The following CNTNAP3B variants were observed in gnomAD, a reference collection of about 807,000 sequenced individuals.
CNTNAP3B encodes the protein contactin-associated protein-like 3B.
A neutral mutation model predicts 108.9 loss-of-function variants in CNTNAP3B; 25 were observed. The observed-to-expected ratio is 0.23, with a 90% CI of 0.17 to 0.32. The LOEUF (loss-of-function observed/expected upper bound fraction) is 0.32, where lower values mean the gene tolerates loss of function less well. Ranked by LOEUF, CNTNAP3B falls within the 10% of genes least tolerant of loss-of-function variation. The pLI is 1.00. For synonymous variants in CNTNAP3B, 103 were observed against 473.4 expected, an observed-to-expected ratio of 0.22 and a Z score of 10.16; for missense variants, 252 against 1,210.4, an observed-to-expected ratio of 0.21 and a Z score of 11.75.
intron 8 of CNTNAP3B, among the ~76,000 whole-genome samples, chr9:41,987,272 C>T (rs1363828565): frequency 1.0e-5 from 1 of 98,474 alleles, no homozygotes; most frequent in Non-Finnish European, 2.0e-5. Context: ...ACCAGCCTGG[C>T]TAACATGGTG....
chr9:41,943,923 A>G (rs1322178306), intron 13 of CNTNAP3B, among the ~76,000 whole-genome samples: 1 of 152,266 alleles, frequency 6.6e-6, no homozygotes, highest in Non-Finnish European at 1.5e-5. Flanking sequence ...TTTTAAAAAT[A>G]AAATCTCGAA....
At chr9:42,097,540 A>C (rs1409412216) in intron 2 of CNTNAP3B, among the ~76,000 whole-genome samples, 1 of 140,282 alleles carries the variant, frequency 7.1e-6, no homozygotes, top group Non-Finnish European at 1.5e-5. Flanking sequence ...GGAACTTTCC[A>C]AAATTTAGTA....
At chr9:42,064,982 G>C (rs1387623945) in intron 3 of CNTNAP3B, among the ~76,000 whole-genome samples, 2 of 146,372 alleles carry the variant, frequency 1.4e-5, no homozygotes, top group African/African-American at 5.2e-5. Flanking sequence ...CCAGTAATGG[G>C]ATTGCTAGGT....
chr9:42,103,231 G>A (rs1342181752), intron 2 of CNTNAP3B, among the ~76,000 whole-genome samples: 1 of 145,724 alleles, frequency 6.9e-6, no homozygotes, highest in Non-Finnish European at 1.5e-5. Context: ...ACGAAACAGA[G>A]CCCATATCTC....
At chr9:42,106,480 T>C (rs1828091251) in intron 1 of CNTNAP3B, among the ~76,000 whole-genome samples, 1 of 121,120 alleles carries the variant, frequency 8.3e-6, no homozygotes, top group Non-Finnish European at 1.7e-5. Context: ...GCCATTGAAA[T>C]GTGCAGAGCT....
In CNTNAP3B at chr9:41,973,738, C is replaced by A. The variant is rs1200838675; in HGVS notation, c.1478-3493G>T. ...CAACCTGCAACCGTACAGAGTGCTG[C>A]TTGAAAAACACTTCAAAAAGATGAA... On this transcript the variant is annotated intron_variant, in intron 9 of 23. Transcript: ENST00000377561. Among the ~76,000 whole-genome samples, 2 of 139,584 alleles carry A rather than the reference C, an allele frequency of 1.4e-5. 1 individual carries two copies. Among genetic ancestry groups the A allele is most frequent in the African/African-American group, 5.7e-5 (2 of 35,178 alleles). The allele number at this position is 139,584 out of a possible 152,430, so 91.6% of individuals were successfully genotyped here. A position where few individuals can be genotyped will look rare whatever the true frequency, so the allele number is the denominator to read the frequency against.
intron 3 of CNTNAP3B, among the ~76,000 whole-genome samples, chr9:42,054,859 T>C (rs1372240482): frequency 5.3e-5 from 8 of 149,854 alleles, no homozygotes; most frequent in African/African-American, 2.0e-4. Flanking sequence ...CCTTCTGTGC[T>C]ATACCAAATG....
At position 42,112,078 on chromosome 9, in the gene CNTNAP3B, C is replaced by G. The variant is rs1189829251; in HGVS notation, c.86-7339G>C. Among the ~76,000 whole-genome samples, 4 of 139,652 alleles carry G rather than the reference C, an allele frequency of 2.9e-5. 1 individual carries two copies. Among genetic ancestry groups the G allele is most frequent in the African/African-American group, 1.1e-4 (4 of 35,194 alleles). The allele number at this position is 139,652 out of a possible 152,430, so 91.6% of individuals were successfully genotyped here. A position where few individuals can be genotyped will look rare whatever the true frequency, so the allele number is the denominator to read the frequency against. Reference sequence around the variant, plus strand: ...CTCTGCACTACAGCCGAATCCCCTACACATTTCTCAGATGCGCTTCCTCCT... The same window carrying G: ...CTCTGCACTACAGCCGAATCCCCTAGACATTTCTCAGATGCGCTTCCTCCT... On this transcript the variant is annotated intron_variant, in intron 1 of 23. Coordinates refer to ENST00000377561, the MANE Select transcript of CNTNAP3B (RefSeq NM_001201380.3).
intron 11 of CNTNAP3B, among the ~76,000 whole-genome samples, 165 bp downstream of exon 11, chr9:41,964,373 C>T (rs540612842): frequency 2.6e-5 from 4 of 152,380 alleles, no homozygotes; most frequent in African/African-American, 7.2e-5. Flanking sequence ...TCTCAACACC[C>T]TTGTATTAAA....
intron 1 of CNTNAP3B, among the ~76,000 whole-genome samples, chr9:42,115,097 G>A (rs1340552233): frequency 4.4e-5 from 6 of 137,452 alleles, no homozygotes; most frequent in Admixed American, 7.3e-5. Context: ...AACATTAAAA[G>A]GAGGCAATAT....
At chr9:41,954,624 T>A (rs1387892571) in intron 12 of CNTNAP3B, among the ~76,000 whole-genome samples, 26 of 152,286 alleles carry the variant, frequency 1.7e-4, no homozygotes, top group Non-Finnish European at 2.9e-4. Context: ...CCTATGGTAA[T>A]TTCAATTCCA....
chr9:42,049,902 C>T (rs1826944776), intron 3 of CNTNAP3B, among the ~76,000 whole-genome samples: 1 of 16,584 alleles, frequency 6.0e-5, no homozygotes, highest in Admixed American at 8.5e-4. Flanking sequence ...AGTGCACTGG[C>T]TCGATCACAG....
chr9:41,939,755 A>G (rs1415862291), intron 13 of CNTNAP3B, among the ~76,000 whole-genome samples: 1 of 152,278 alleles, frequency 6.6e-6, no homozygotes, highest in Non-Finnish European at 1.5e-5. Context: ...CATATTCCCC[A>G]TAAAGTAGTA....
intron 14 of CNTNAP3B, among the ~76,000 whole-genome samples, chr9:41,934,854 G>A (rs1261139745): frequency 3.9e-5 from 6 of 152,400 alleles, no homozygotes; most frequent in South Asian, 2.1e-4. Flanking sequence ...TTGTACACTA[G>A]TATGCATTTA....
intron 3 of CNTNAP3B, among the ~76,000 whole-genome samples, chr9:42,057,718 T>C (rs1827102145): frequency 8.2e-6 from 1 of 121,540 alleles, no homozygotes; most frequent in East Asian, 2.7e-4. Context: ...CTTATTTTTG[T>C]GGTGAGAAAA....
intron 11 of CNTNAP3B, among the ~76,000 whole-genome samples, chr9:41,962,291 C>A (rs1385361082): frequency 2.6e-5 from 4 of 152,380 alleles, no homozygotes; most frequent in South Asian, 2.1e-4. Context: ...CAGTGAATGA[C>A]TGTGGGCTTG....
At chr9:41,941,116 G>A (rs1005455975) in intron 13 of CNTNAP3B, among the ~76,000 whole-genome samples, 2 of 150,740 alleles carry the variant, frequency 1.3e-5, no homozygotes, top group Non-Finnish European at 3.0e-5. Flanking sequence ...TAGACATAAG[G>A]ATTCCATATT....
intron 10 of CNTNAP3B, among the ~76,000 whole-genome samples, chr9:41,964,968 C>T (rs1347207791): frequency 6.6e-6 from 1 of 152,234 alleles, no homozygotes; most frequent in Non-Finnish European, 1.5e-5. Flanking sequence ...ATGGCATGCT[C>T]AGTTACTATA....
At chr9:42,015,066 G>A (rs1172235450) in intron 3 of CNTNAP3B, among the ~76,000 whole-genome samples, 1 of 10,438 alleles carries the variant, frequency 9.6e-5, no homozygotes, top group Non-Finnish European at 2.1e-4. Flanking sequence ...TTCTCACTTT[G>A]TCTTCCAGGC....
Sources: gnomAD v4.1 joint callset for allele counts (sites outside exome capture counted in the v4.1 genomes callset) on GRCh38, gnomAD v4.1.1 for gene constraint, MANE v1.5 for transcripts, NCBI Gene and HGNC (gene_info 2026-07-23, HGNC 2026-07-21) for gene names.